Variants in STRN observed in about 807,000 individuals in gnomAD.
The protein encoded by STRN is protein phosphatase 2 regulatory subunit B'''alpha.
STRN carries 53 observed loss-of-function variants against 96.3 expected under a neutral mutation model. That is an observed-to-expected ratio of 0.55 (90% CI 0.44 to 0.69). STRN has a LOEUF of 0.69. Among genes scored for constraint, STRN ranks in the 30% least tolerant of loss-of-function variants. STRN has a pLI of 0.00. For missense variants in STRN, 987 were observed against 963.9 expected (o/e 1.02, Z -0.32); for synonymous variants, 428 against 355.9 (o/e 1.20, Z -2.28).
rs1243833356 is a variant in STRN at position 36,966,410 on chromosome 2, G to A, written c.54C>T (p.Ala18=). The change falls in exon 1 of 18, where the codon GCC becomes GCT. Residue 18 remains alanine (A), a synonymous_variant. Coordinates refer to ENST00000263918, the MANE Select transcript of STRN (RefSeq NM_003162.4). ...GVFFSNNHPG[A]GGAKGLGPLA... ...GAGGCCCGAGCCCCTTGGCACCGCC[G>A]GCGCCCGGGTGGTTGTTGCTGAAGA... 1.1e-5 allele frequency: 16 copies of A among 1,458,672 alleles called. No homozygotes were observed. Among genetic ancestry groups the A allele is most frequent in the Non-Finnish European group, 1.4e-5 (16 of 1,106,488 alleles). 90.4% of individuals were successfully genotyped at this position (1,458,672 alleles called of 1,614,324 possible).
chr2:36,896,819 TCA>T (rs1491389601), intron 6 of STRN, among the ~76,000 whole-genome samples: 1 of 152,226 alleles, frequency 6.6e-6, no homozygotes. Flanking sequence ...ATGTATAATC[TCA>T]GAGTTGTTAT....
intron 1 of STRN, among the ~76,000 whole-genome samples, chr2:36,965,647 G>A (rs1368865099): frequency 1.3e-5 from 2 of 152,092 alleles, no homozygotes; most frequent in Non-Finnish European, 2.9e-5. Flanking sequence ...GGAGGGGGCC[G>A]GGGGGTCGGA....
Position 36,842,474 on chromosome 2 carries a change from T to TC in STRN, c.*6981dup, listed in dbSNP as rs1193394028. 6.6e-6 allele frequency: 1 copy of TC among 152,152 alleles called. No homozygotes were observed. Among genetic ancestry groups the TC allele is most frequent in the East Asian group, 1.9e-4 (1 of 5,200 alleles). 9.4% of individuals were successfully genotyped at this position (152,152 alleles called of 1,614,324 possible). A position where few individuals can be genotyped will look rare whatever the true frequency, so the allele number is the denominator to read the frequency against. ...TACCTAAAGAGGGACACAGAAAAAG[T>TC]CAATGTGGAGCTGGCATCTGGACCA... On this transcript the variant is annotated 3_prime_UTR_variant, in exon 18 of 18. Coordinates refer to ENST00000263918, the MANE Select transcript of STRN (RefSeq NM_003162.4).
At chr2:36,931,385 T>C (rs1222963260) in intron 1 of STRN, among the ~76,000 whole-genome samples, 1 of 152,158 alleles carries the variant, frequency 6.6e-6, no homozygotes, top group Non-Finnish European at 1.5e-5. Context: ...TAAAACCAAG[T>C]TTCTACCCAC....
chr2:36,891,533 G>C (rs972940417), intron 7 of STRN, among the ~76,000 whole-genome samples: 1 of 145,778 alleles, frequency 6.9e-6, no homozygotes, highest in Non-Finnish European at 1.5e-5. Flanking sequence ...AAAAAAAAAA[G>C]ATTCAACAAA....
intron 1 of STRN, among the ~76,000 whole-genome samples, chr2:36,957,811 T>G (rs1664932786): frequency 1.5e-5 from 2 of 132,640 alleles, no homozygotes; most frequent in South Asian, 5.3e-4. Flanking sequence ...ATTGCAGTGG[T>G]GCAATCTCGG....
At chr2:36,855,426 C>CA in intron 14 of STRN, 74 bp from the exon 15 acceptor site, 4 of 1,484,056 alleles carry the variant, frequency 2.7e-6, no homozygotes, top group Non-Finnish European at 2.7e-6. Context: ...TAGAGCAAAA[C>CA]AAAAAATGGC....
chr2:36,839,927 G>C lies in STRN; in HGVS notation c.*9529C>G, dbSNP rs374606510. On this transcript the variant is annotated 3_prime_UTR_variant, in exon 18 of 18. Transcript: ENST00000263918. ...TCAGCTAAAGCCCTGGGCCCTGCTG[G>C]AGTGCTGTCAGAAAACCAAAGACAG... is the stretch of plus-strand genomic sequence containing the variant. 6 of 152,290 alleles carry C rather than the reference G, an allele frequency of 3.9e-5. No homozygotes were observed. Among genetic ancestry groups the C allele is most frequent in the African/African-American group, 1.4e-4 (6 of 41,564 alleles). 9.4% of individuals were successfully genotyped at this position (152,290 alleles called of 1,614,324 possible). A position where few individuals can be genotyped will look rare whatever the true frequency, so the allele number is the denominator to read the frequency against.
chr2:36,891,804 T>C (rs944148370), intron 7 of STRN, among the ~76,000 whole-genome samples: 1 of 152,196 alleles, frequency 6.6e-6, no homozygotes, highest in African/African-American at 2.4e-5. Context: ...TGAACTTATC[T>C]AGGAGAGTTT....
At chr2:36,879,941 G>A (rs1212904611) in intron 9 of STRN, among the ~76,000 whole-genome samples, 3 of 151,954 alleles carry the variant, frequency 2.0e-5, no homozygotes, top group East Asian at 1.9e-4. Context: ...ACCAGCCTGG[G>A]CGACAGGGCA....
At chr2:36,877,080 G>A (rs1012439298) in intron 10 of STRN, among the ~76,000 whole-genome samples, 2 of 152,112 alleles carry the variant, frequency 1.3e-5, no homozygotes, top group Non-Finnish European at 2.9e-5. Flanking sequence ...ATTATGTTTG[G>A]AATTAAGTAA....
intron 9 of STRN, among the ~76,000 whole-genome samples, chr2:36,879,604 CA>C (rs1419153376): frequency 1.3e-5 from 2 of 152,058 alleles, no homozygotes; most frequent in African/African-American, 4.8e-5. Context: ...TTTATAAATG[CA>C]ATTTGTTCTG....
At chr2:36,878,204 T>C (rs1216645016) in intron 9 of STRN, among the ~76,000 whole-genome samples, 177 bp from the exon 10 acceptor site, 1 of 152,232 alleles carries the variant, frequency 6.6e-6, no homozygotes, top group Non-Finnish European at 1.5e-5. Flanking sequence ...GCTTTTTCCA[T>C]ATCTTAACCA....
intron 1 of STRN, among the ~76,000 whole-genome samples, chr2:36,947,789 G>A (rs1664621519): frequency 6.6e-6 from 1 of 151,654 alleles, no homozygotes; most frequent in Non-Finnish European, 1.5e-5. Flanking sequence ...TTAACATTCT[G>A]TGATGATATG....
chr2:36,965,111 T>C (rs1665126948), intron 1 of STRN, among the ~76,000 whole-genome samples: 1 of 133,886 alleles, frequency 7.5e-6, no homozygotes. Flanking sequence ...TTTCTCCTCT[T>C]CTTTTTTTTC....
intron 1 of STRN, among the ~76,000 whole-genome samples, chr2:36,961,014 A>G (rs1665016508): frequency 6.6e-6 from 1 of 151,216 alleles, no homozygotes; most frequent in Non-Finnish European, 1.5e-5. Context: ...CTCCCATCTC[A>G]GCCTCACGAG....
intron 1 of STRN, among the ~76,000 whole-genome samples, chr2:36,958,634 A>T (rs1363597060): frequency 6.6e-6 from 1 of 152,216 alleles, no homozygotes; most frequent in African/African-American, 2.4e-5. Flanking sequence ...TAAAGCATGG[A>T]GAGATAAAAA....
At position 36,846,296 on chromosome 2, in the gene STRN, A is replaced by C. The variant is rs896052878; in HGVS notation, c.*3160T>G. 4 of 147,254 alleles carry C rather than the reference A, an allele frequency of 2.7e-5. No homozygotes were observed. Among genetic ancestry groups the C allele is most frequent in the African/African-American group, 1.0e-4 (4 of 39,908 alleles). The allele number at this position is 147,254 out of a possible 1,614,324, so 9.1% of individuals were successfully genotyped here. A position where few individuals can be genotyped will look rare whatever the true frequency, so the allele number is the denominator to read the frequency against. On this transcript the variant is annotated 3_prime_UTR_variant, in exon 18 of 18. Transcript: ENST00000263918. ...GAACTATATATTATACTGCAAAAGCAAACAGCACAACACTCATCATACTCA... is the reference window on the plus strand; with the variant it reads ...GAACTATATATTATACTGCAAAAGCCAACAGCACAACACTCATCATACTCA...
intron 1 of STRN, among the ~76,000 whole-genome samples, chr2:36,963,569 T>C (rs1005063110): frequency 6.6e-6 from 1 of 152,142 alleles, no homozygotes; most frequent in African/African-American, 2.4e-5. Flanking sequence ...CCCCCCAAAA[T>C]ATATCATATT....
Sources: allele counts gnomAD v4.1 joint callset (sites outside exome capture counted in the v4.1 genomes callset), GRCh38; gene constraint gnomAD v4.1.1; transcripts MANE v1.5; gene names NCBI Gene and HGNC (gene_info 2026-07-23, HGNC 2026-07-21).